ARL15: variants seen among roughly 807,000 people sequenced by gnomAD.
ARL15 encodes ADP-ribosylation factor-like protein 15.
ARL15 carries 19 observed loss-of-function variants against 25.2 expected under a neutral mutation model. The observed-to-expected ratio is 0.75, with a 90% CI of 0.53 to 1.10. The LOEUF is 1.10. Among genes scored for constraint, ARL15 ranks in the 50% least tolerant of loss-of-function variants. ARL15 has a pLI of 0.00. For synonymous variants in ARL15, 94 were observed against 86.8 expected, an observed-to-expected ratio of 1.08 and a Z score of -0.46; for missense variants, 220 against 246.0, an observed-to-expected ratio of 0.89 and a Z score of 0.71.
chr5:54,071,524 C>A (rs1411380400), intron 4 of ARL15, among the ~76,000 whole-genome samples: 2 of 116,420 alleles, frequency 1.7e-5, no homozygotes, highest in East Asian at 3.0e-4. Context: ...CCCCCCCCCC[C>A]CGCAAAGCCA....
intron 4 of ARL15, among the ~76,000 whole-genome samples, chr5:54,038,096 T>C (rs148635810): frequency 3.3e-4 from 51 of 152,268 alleles, no homozygotes; most frequent in African/African-American, 1.2e-3. Flanking sequence ...TGCCCAGTAA[T>C]TTATAGCTGA....
chr5:53,886,481 T>C lies in ARL15; in HGVS notation c.*80A>G. On this transcript the variant is annotated 3_prime_UTR_variant, in exon 5 of 5. Transcript: ENST00000504924. ...ATAGATACTGAAGCCAATATAGTCT[T>C]GATACCAAAATAAAATTAAAATGAG... 6.8e-7 allele frequency: 1 copy of C among 1,462,650 alleles called. No homozygotes were observed. The allele number at this position is 1,462,650 out of a possible 1,614,324, so 90.6% of individuals were successfully genotyped here.
chr5:54,098,818 C>CGTTT (rs1752358778), intron 4 of ARL15, among the ~76,000 whole-genome samples: 1 of 152,050 alleles, frequency 6.6e-6, no homozygotes. Context: ...CAAAGAAAAC[C>CGTTT]CATTCTAGGA....
chr5:53,964,508 C>T (rs890263654), intron 4 of ARL15, among the ~76,000 whole-genome samples: 1 of 152,066 alleles, frequency 6.6e-6, no homozygotes, highest in Non-Finnish European at 1.5e-5. Context: ...TACAGGCGCC[C>T]ACCACCATGC....
chr5:54,022,269 A>G (rs1372302711), intron 4 of ARL15, among the ~76,000 whole-genome samples: 3 of 152,134 alleles, frequency 2.0e-5, no homozygotes, highest in Non-Finnish European at 4.4e-5. Context: ...GTCCCAAAGT[A>G]TGGTGCTTTG....
chr5:53,898,415 C>T (rs1292023821), intron 4 of ARL15, among the ~76,000 whole-genome samples: 1 of 152,058 alleles, frequency 6.6e-6, no homozygotes, highest in Non-Finnish European at 1.5e-5. Context: ...TGGTAGAATT[C>T]AGCAGTGAAG....
chr5:54,103,664 G>A (rs934593175), intron 4 of ARL15, among the ~76,000 whole-genome samples: 2 of 152,076 alleles, frequency 1.3e-5, no homozygotes, highest in Non-Finnish European at 2.9e-5. Context: ...TACATGTACC[G>A]TTGTACATGT....
intron 1 of ARL15, among the ~76,000 whole-genome samples, chr5:54,277,116 A>G (rs886407481): frequency 2.6e-5 from 4 of 152,174 alleles, no homozygotes. Flanking sequence ...ATTTGTCCAG[A>G]CCTAAAGAGC....
chr5:54,256,488 C>T (rs1757370349), intron 1 of ARL15, among the ~76,000 whole-genome samples: 1 of 143,936 alleles, frequency 6.9e-6, no homozygotes, highest in African/African-American at 2.6e-5. Context: ...TTCTACCAGA[C>T]ATTCAAGAAA....
intron 4 of ARL15, among the ~76,000 whole-genome samples, chr5:54,014,545 G>C (rs1433486023): frequency 6.7e-6 from 1 of 149,820 alleles, no homozygotes; most frequent in Non-Finnish European, 1.5e-5. Flanking sequence ...TTTTGAGCTA[G>C]AGTCTTGCTC....
chr5:54,161,433 C>A (rs1281476434), intron 2 of ARL15, among the ~76,000 whole-genome samples: 1 of 152,154 alleles, frequency 6.6e-6, no homozygotes, highest in Non-Finnish European at 1.5e-5. Flanking sequence ...AATACATGTG[C>A]ATACCAATGC....
intron 4 of ARL15, among the ~76,000 whole-genome samples, chr5:54,020,424 C>T (rs1283206269): frequency 6.6e-6 from 1 of 152,138 alleles, no homozygotes; most frequent in African/African-American, 2.4e-5. Context: ...CCTGCCCCTG[C>T]CAAGCAATAA....
intron 4 of ARL15, among the ~76,000 whole-genome samples, chr5:54,068,354 A>T (rs1751312242): frequency 1.3e-5 from 2 of 152,234 alleles, no homozygotes; most frequent in Admixed American, 6.5e-5. Context: ...CAAGAAACTG[A>T]TATGGACAAC....
chr5:53,908,956 T>TTATCA (rs1745365224), intron 4 of ARL15, among the ~76,000 whole-genome samples: 1 of 152,206 alleles, frequency 6.6e-6, no homozygotes, highest in Admixed American at 6.5e-5. Context: ...AAATACATGC[T>TTATCA]TATCATATCC....
chr5:54,081,566 T>C (rs964275339), intron 4 of ARL15, among the ~76,000 whole-genome samples: 3 of 152,186 alleles, frequency 2.0e-5, no homozygotes, highest in Non-Finnish European at 2.9e-5. Flanking sequence ...GTTTCCCCCA[T>C]GCTCTTCTGG....
chr5:54,036,457 T>G (rs1264920462), intron 4 of ARL15, among the ~76,000 whole-genome samples: 1 of 152,184 alleles, frequency 6.6e-6, no homozygotes, highest in African/African-American at 2.4e-5. Flanking sequence ...ATTCCAATAC[T>G]GACTGAAGGC....
intron 4 of ARL15, among the ~76,000 whole-genome samples, chr5:54,008,309 A>G (rs1749113500): frequency 6.6e-6 from 1 of 152,140 alleles, no homozygotes; most frequent in South Asian, 2.1e-4. Context: ...TGTGTACATG[A>G]ACTGCATTTT....
At chr5:54,054,776 A>G (rs753622700) in intron 4 of ARL15, among the ~76,000 whole-genome samples, 7 of 152,120 alleles carry the variant, frequency 4.6e-5, no homozygotes, top group Non-Finnish European at 5.9e-5. Context: ...GGTTACAGAG[A>G]GAGACTCCGT....
chr5:54,281,029 T>C (rs747510912), intron 1 of ARL15, among the ~76,000 whole-genome samples: 22 of 151,938 alleles, frequency 1.4e-4, no homozygotes, highest in Non-Finnish European at 8.8e-5. Flanking sequence ...TGTTGTTGTA[T>C]TGTGAAATAT....
Sources: gnomAD v4.1 joint callset for allele counts (sites outside exome capture counted in the v4.1 genomes callset) on GRCh38, gnomAD v4.1.1 for gene constraint, MANE v1.5 for transcripts, NCBI Gene and HGNC (gene_info 2026-07-23, HGNC 2026-07-21) for gene names.